ADGRG2: variants seen among roughly 807,000 people sequenced by gnomAD.
ADGRG2 encodes the protein G protein-coupled receptor 64.
ADGRG2 carries 26 observed loss-of-function variants against 74.1 expected under a neutral mutation model. That is an observed-to-expected ratio of 0.35 (90% confidence interval 0.26 to 0.49). The LOEUF is 0.49. Among genes scored for constraint, ADGRG2 ranks in the 20% least tolerant of loss-of-function variants. ADGRG2 has a pLI of 0.99. For synonymous variants in ADGRG2, 296 were observed against 295.2 expected, an observed-to-expected ratio of 1.00 and a Z score of -0.03; for missense variants, 619 against 763.1, an observed-to-expected ratio of 0.81 and a Z score of 2.22.
intron 21 of ADGRG2, 35 bp from the exon 22 acceptor site, chrX:19,006,140 C>T: frequency 8.9e-7 from 1 of 1,126,320 alleles, no homozygotes; most frequent in Non-Finnish European, 1.2e-6. Context: ...GTCCCATCAG[C>T]AAGGCCACAG....
chrX:19,008,558 T>C (rs2060284596), intron 18 of ADGRG2, among the ~76,000 whole-genome samples: 1 of 109,885 alleles, frequency 9.1e-6, no homozygotes, highest in African/African-American at 3.3e-5. Context: ...CCTAGCTACC[T>C]GGGAGACTGA....
At chrX:18,991,913 A>G (rs1439239599) in intron 28 of ADGRG2, among the ~76,000 whole-genome samples, 2 of 112,132 alleles carry the variant, frequency 1.8e-5, no homozygotes, top group African/African-American at 6.5e-5. Flanking sequence ...AGAGCCCTGC[A>G]GGGTGGGTAC....
intron 3 of ADGRG2, among the ~76,000 whole-genome samples, chrX:19,066,345 G>A (rs140709021): frequency 0.062 from 6,794 of 109,161 alleles, 199 homozygotes; most frequent in South Asian, 0.19. Flanking sequence ...AGATTCCTTG[G>A]TCCTGCCACC....
chrX:19,067,352 T>C (rs865905966), intron 3 of ADGRG2, among the ~76,000 whole-genome samples: 17 of 112,461 alleles, frequency 1.5e-4, no homozygotes, highest in Middle Eastern at 4.6e-3. Flanking sequence ...CCTCCACTGG[T>C]ATAACAAAGT....
At chrX:19,077,334 TAA>T (rs34976230) in intron 2 of ADGRG2, among the ~76,000 whole-genome samples, 4,318 of 38,241 alleles carry the variant, frequency 0.11, 149 homozygotes, top group African/African-American at 0.16. Flanking sequence ...CTGTCTCTAC[TAA>T]AAAAAAAAAA....
chrX:19,013,130 A>T (rs1200283037), intron 16 of ADGRG2, among the ~76,000 whole-genome samples: 3 of 110,474 alleles, frequency 2.7e-5, no homozygotes, highest in Non-Finnish European at 5.7e-5. Flanking sequence ...CCCTCCTACC[A>T]CTACCTTGGC....
chrX:19,118,461 C>A (rs1760774482), intron 1 of ADGRG2, among the ~76,000 whole-genome samples: 1 of 112,429 alleles, frequency 8.9e-6, no homozygotes, highest in Non-Finnish European at 1.9e-5. Flanking sequence ...TCATAGCTCA[C>A]TGCAGCCTCA....
intron 7 of ADGRG2, chrX:19,034,428 C>G (rs1358810566): frequency 8.9e-6 from 1 of 111,862 alleles, no homozygotes; most frequent in Non-Finnish European, 1.9e-5. Flanking sequence ...CACCGAAGCT[C>G]TGTCACCTAG....
chrX:19,037,674 C>T lies in ADGRG2; in HGVS notation c.155-38G>A, dbSNP rs199501006. The T allele has an allele frequency of 6.5e-6, 6 of 922,616 alleles. No individual in the cohort carries two copies. The Admixed American group carries it at 9.8e-5, about 15-fold the overall frequency. 76.0% of individuals were successfully genotyped at this position (922,616 alleles called of 1,213,427 possible). A position where few individuals can be genotyped will look rare whatever the true frequency, so the allele number is the denominator to read the frequency against. Reference sequence around the variant, plus strand: ...AAAAAATTAAATCAATATTTTGAAACGATTATTTGTCAAATTTTAAAGAAT... The same window carrying T: ...AAAAAATTAAATCAATATTTTGAAATGATTATTTGTCAAATTTTAAAGAAT... On this transcript the variant is annotated intron_variant, in intron 4 of 28. Transcript: ENST00000379869.
chrX:19,019,782 T>C, intron 14 of ADGRG2, 117 bp from the exon 15 acceptor site: 1 of 461,074 alleles, frequency 2.2e-6, no homozygotes, highest in East Asian at 3.5e-5. Flanking sequence ...AGAGCAATTG[T>C]CTAAAACAGG....
intron 28 of ADGRG2, among the ~76,000 whole-genome samples, chrX:18,994,146 C>G (rs748611978): frequency 2.0e-4 from 22 of 111,841 alleles, no homozygotes; most frequent in Non-Finnish European, 3.8e-4. Flanking sequence ...CACAAGACAG[C>G]CACATTGTGG....
chrX:19,007,323 T>C lies in ADGRG2; in HGVS notation c.1601A>G (p.Tyr534Cys), dbSNP rs1479165272. Reference protein sequence around the residue: ...PSLENLSLISYVISSSVANLT... With the variant: ...PSLENLSLISCVISSSVANLT... The stretch of plus-strand genomic sequence containing the variant: ...GTTTGCAACACTCGATGATATGACG[T>C]AGCTGATCAGAGAGAGGTTCTCCAG... Residue 534 changes from tyrosine (Y) to cysteine (C), a missense_variant, in exon 20 of 29, where the codon TAC becomes TGC. Transcript: ENST00000379869. The C allele has an allele frequency of 8.3e-7, 1 of 1,204,804 alleles. No individual in the cohort carries two copies. Among genetic ancestry groups the C allele is most frequent in the African/African-American group, 1.8e-5 (1 of 57,128 alleles).
chrX:19,049,629 T>C (rs77250658), intron 3 of ADGRG2, among the ~76,000 whole-genome samples: 2 of 96,590 alleles, frequency 2.1e-5, no homozygotes, highest in Non-Finnish European at 4.0e-5. Context: ...TTTTTTGTGA[T>C]TTTTTTTTTT....
rs1486057861 is a variant in ADGRG2 at position 18,999,016 on chromosome X, G to A, written c.2594C>T (p.Ala865Val). The A allele has an allele frequency of 8.3e-7, 1 of 1,203,249 alleles. No individual in the cohort carries two copies. The highest frequency in any genetic ancestry group is 1.1e-6 in the Non-Finnish European group (1 of 888,926). The change falls in exon 26 of 29, where the codon GCC becomes GTC. Residue 865 changes from alanine to valine, a missense_variant. Physicochemically the swap from Ala to Val is moderately conservative, Grantham distance 64. Coordinates refer to ENST00000379869, the MANE Select transcript of ADGRG2 (RefSeq NM_001079858.3). ...CTTACCTTGTAAGGTATTAAAGATGGCAAACAGATACATGAAGGTCACGTT... is the reference window on the plus strand; with the variant it reads ...CTTACCTTGTAAGGTATTAAAGATGACAAACAGATACATGAAGGTCACGTT... ...PVNVTFMYLF[A>V]IFNTLQGFFI...
chrX:19,007,457 T>TATA (rs2060260755), intron 19 of ADGRG2, 100 bp from the exon 20 acceptor site: 4 of 801,742 alleles, frequency 5.0e-6, no homozygotes, highest in Non-Finnish European at 7.3e-6. Context: ...TATCTTACAA[T>TATA]ATAGGTCAGA....
intron 1 of ADGRG2, among the ~76,000 whole-genome samples, chrX:19,093,380 T>C (rs1472961428): frequency 9.0e-6 from 1 of 111,712 alleles, no homozygotes; most frequent in East Asian, 2.8e-4. Flanking sequence ...TGGAGGCCAG[T>C]CTGTGTGCAC....
At chrX:18,999,402 A>C (rs1197526377) in intron 25 of ADGRG2, 123 bp from the exon 26 acceptor site, 3 of 597,973 alleles carry the variant, frequency 5.0e-6, no homozygotes, top group Non-Finnish European at 7.7e-6. Context: ...AAGAGAAAAA[A>C]AATGATAAAA....
In ADGRG2 at chrX:19,003,845, T is replaced by C. The variant is rs771309935; in HGVS notation, c.1962-731A>G. 7.1e-5 allele frequency among the ~76,000 whole-genome samples: 8 copies of C among 112,245 alleles called. No homozygotes were observed. In the East Asian group the frequency reaches 2.2e-3, roughly 31 times the overall value. On this transcript the variant is annotated intron_variant, in intron 23 of 28. Transcript: ENST00000379869. ...AAGATTCCCATATTATTGTATGTTA[T>C]TAGGTAAAATGAGATCATGGAAAGA...
chrX:19,019,391 G>A (rs1569380191), intron 15 of ADGRG2, among the ~76,000 whole-genome samples: 1 of 111,191 alleles, frequency 9.0e-6, no homozygotes, highest in Non-Finnish European at 1.9e-5. Context: ...TGTTTTTAAT[G>A]CTCCCCAGGT....
Sources: allele counts gnomAD v4.1 joint callset (sites outside exome capture counted in the v4.1 genomes callset), GRCh38; gene constraint gnomAD v4.1.1; transcripts MANE v1.5; gene names NCBI Gene and HGNC (gene_info 2026-07-23, HGNC 2026-07-21).